The following TSPAN7 variants were observed in gnomAD, a reference collection of about 807,000 sequenced individuals.
TSPAN7 encodes tetraspanin-7.
In TSPAN7, 1 loss-of-function variant was observed where a neutral mutation model predicts 17.6. The observed-to-expected ratio is 0.06, with a 90% confidence interval of 0.02 to 0.27. The LOEUF (loss-of-function observed/expected upper bound fraction) is 0.27. TSPAN7 is among the 10% of genes least tolerant of loss of function. The pLI, the probability that TSPAN7 is intolerant of heterozygous loss-of-function variation, is 1.00. For missense variants in TSPAN7, 112 were observed against 201.7 expected, an observed-to-expected ratio of 0.56 and a Z score of 2.69; for synonymous variants, 78 against 79.0, an observed-to-expected ratio of 0.99 and a Z score of 0.07.
chrX:38,646,047 A>G (rs759909131), intron 1 of TSPAN7, among the ~76,000 whole-genome samples: 97 of 111,486 alleles, frequency 8.7e-4, no homozygotes, highest in African/African-American at 3.1e-3. Flanking sequence ...CTTGTCAATT[A>G]CCTGGCAGTG....
At chrX:38,588,200 T>A (rs2069269563) in intron 1 of TSPAN7, among the ~76,000 whole-genome samples, 1 of 111,170 alleles carries the variant, frequency 9.0e-6, no homozygotes, top group Non-Finnish European at 1.9e-5. Context: ...CTAATGCGTC[T>A]CTAGGAGAAA....
At chrX:38,626,522 A>G (rs1026653741) in intron 1 of TSPAN7, among the ~76,000 whole-genome samples, 4 of 111,664 alleles carry the variant, frequency 3.6e-5, no homozygotes, top group African/African-American at 1.3e-4. Flanking sequence ...GGCATGAGAA[A>G]GATGTTAACC....
At chrX:38,676,111 G>T (rs761937822) in intron 5 of TSPAN7, among the ~76,000 whole-genome samples, 55 of 111,589 alleles carry the variant, frequency 4.9e-4, no homozygotes, top group Non-Finnish European at 7.0e-4. Context: ...GGAAGGTTTA[G>T]CAAGCAGTTC....
chrX:38,684,716 A>G (rs1456787815), intron 6 of TSPAN7, among the ~76,000 whole-genome samples: 4 of 111,073 alleles, frequency 3.6e-5, no homozygotes, highest in Non-Finnish European at 7.6e-5. Flanking sequence ...TAGACTTGGA[A>G]CCTGTTAGGC....
chrX:38,566,725 A>C (rs747824841), intron 1 of TSPAN7, among the ~76,000 whole-genome samples: 296 of 112,103 alleles, frequency 2.6e-3, no homozygotes, highest in African/African-American at 9.4e-3. Flanking sequence ...AAGCATGAAT[A>C]AAAAAGATCT....
intron 1 of TSPAN7, among the ~76,000 whole-genome samples, chrX:38,573,544 T>G (rs2069180073): frequency 8.9e-6 from 1 of 112,107 alleles, no homozygotes; most frequent in South Asian, 3.7e-4. Context: ...CAGCTTACAT[T>G]AATATGATAC....
chrX:38,604,551 T>C (rs890325449), intron 1 of TSPAN7, among the ~76,000 whole-genome samples: 27 of 111,549 alleles, frequency 2.4e-4, no homozygotes, highest in African/African-American at 8.1e-4. Flanking sequence ...GACTTTTTAA[T>C]GATTGCCATT....
intron 1 of TSPAN7, among the ~76,000 whole-genome samples, chrX:38,618,405 A>C (rs1170052046): frequency 8.9e-6 from 1 of 111,749 alleles, no homozygotes; most frequent in Non-Finnish European, 1.9e-5. Context: ...CTCTGTGCGA[A>C]TAAGCAAAGG....
intron 1 of TSPAN7, among the ~76,000 whole-genome samples, chrX:38,594,278 C>A (rs2069307382): frequency 9.0e-6 from 1 of 111,004 alleles, no homozygotes; most frequent in Non-Finnish European, 1.9e-5. Context: ...AAGGTTAGTT[C>A]TTTTCTTCCC....
At chrX:38,613,657 TGAG>T (rs1425079995) in intron 1 of TSPAN7, among the ~76,000 whole-genome samples, 1 of 111,902 alleles carries the variant, frequency 8.9e-6, no homozygotes, top group Non-Finnish European at 1.9e-5. Context: ...AAAGAGGACT[TGAG>T]GGCAGTCTCT....
chrX:38,674,255 C>T lies in TSPAN7; in HGVS notation c.380C>T (p.Ala127Val). Residue 127 changes from alanine (A) to valine (V), a missense_variant, in exon 4 of 8, where the codon GCT (alanine) becomes GTT (valine). By Grantham distance (64) the Ala-to-Val change is moderately conservative. Coordinates refer to ENST00000378482, the MANE Select transcript of TSPAN7 (RefSeq NM_004615.4). The stretch of plus-strand genomic sequence containing the variant: ...ACCTTCCTGAGGACTTACACGGACG[C>T]TATGCAGACTTACAATGGCAATGAT... The part of the protein sequence containing the change: ...KDTFLRTYTD[A>V]MQTYNGNDER... 1 of 1,201,066 alleles carries T rather than the reference C, an allele frequency of 8.3e-7. No homozygotes were observed. Among genetic ancestry groups the T allele is most frequent in the Non-Finnish European group, 1.1e-6 (1 of 889,811 alleles).
At chrX:38,575,558 A>G (rs2147397226) in intron 1 of TSPAN7, among the ~76,000 whole-genome samples, 1 of 111,776 alleles carries the variant, frequency 8.9e-6, no homozygotes, top group African/African-American at 3.2e-5. Flanking sequence ...GGATATCTAT[A>G]TGTGAGAAAA....
chrX:38,582,474 C>A (rs997107046), intron 1 of TSPAN7, among the ~76,000 whole-genome samples: 1 of 112,044 alleles, frequency 8.9e-6, no homozygotes, highest in Non-Finnish European at 1.9e-5. Flanking sequence ...ACCCTGGGGT[C>A]TAACTTTAAC....
At chrX:38,570,550 G>A (rs1328975193) in intron 1 of TSPAN7, 1 of 111,884 alleles carries the variant, frequency 8.9e-6, no homozygotes, top group African/African-American at 3.2e-5. Flanking sequence ...CTTTAAGTAA[G>A]TACCTCAGAA....
At chrX:38,661,756 C>A (rs953485659) in intron 1 of TSPAN7, among the ~76,000 whole-genome samples, 1 of 111,444 alleles carries the variant, frequency 9.0e-6, no homozygotes, top group Non-Finnish European at 1.9e-5. Flanking sequence ...TTTGAGGTCT[C>A]TGAGGAGCTC....
chrX:38,641,813 G>C (rs937809652), intron 1 of TSPAN7, among the ~76,000 whole-genome samples: 3 of 111,430 alleles, frequency 2.7e-5, no homozygotes, highest in African/African-American at 9.8e-5. Context: ...AGAGTAAATA[G>C]GTACCGGAAA....
rs146986621 is a variant in TSPAN7, at chrX:38,642,516, C to T, written c.82-23605C>T. 6.2e-3 allele frequency among the ~76,000 whole-genome samples: 696 copies of T among 111,910 alleles called. 5 individuals carry two copies. Among genetic ancestry groups the T allele is most frequent in the African/African-American group, 0.022 (664 of 30,797 alleles). Reference sequence around the variant, plus strand: ...GGAATAAATGGCTATAAACAGTGGCCTTTGTAATCTATGGTGCTCAGAGAA... The same window carrying T: ...GGAATAAATGGCTATAAACAGTGGCTTTTGTAATCTATGGTGCTCAGAGAA... On this transcript the variant is annotated intron_variant, in intron 1 of 7. Transcript: ENST00000378482.
At chrX:38,597,992 G>A (rs767151803) in intron 1 of TSPAN7, among the ~76,000 whole-genome samples, 11 of 111,554 alleles carry the variant, frequency 9.9e-5, no homozygotes, top group Non-Finnish European at 1.9e-4. Context: ...TTTTAGGCAT[G>A]GCACTTGAAA....
chrX:38,648,850 G>T (rs2069660112), intron 1 of TSPAN7, among the ~76,000 whole-genome samples: 2 of 107,101 alleles, frequency 1.9e-5, no homozygotes, highest in South Asian at 8.6e-4. Context: ...AGCCCGGGAG[G>T]TGGAGGTTGC....
Sources: allele counts gnomAD v4.1 joint callset (sites outside exome capture counted in the v4.1 genomes callset), GRCh38; gene constraint gnomAD v4.1.1; transcripts MANE v1.5; gene names NCBI Gene and HGNC (gene_info 2026-07-23, HGNC 2026-07-21).